LYZL6: variants seen among roughly 807,000 people sequenced by gnomAD.
LYZL6 encodes lysozyme-like protein 6.
Under a neutral mutation model 15.0 loss-of-function variants are expected in LYZL6, and 21 were observed. That is an observed-to-expected ratio of 1.40 (90% CI 1.00 to 2.02). The LOEUF (loss-of-function observed/expected upper bound fraction) is 2.02. Ranked by LOEUF, LYZL6 falls within the 30% of genes most tolerant of loss-of-function variation. The pLI is 0.00. For missense variants in LYZL6, 173 were observed against 180.5 expected, an observed-to-expected ratio of 0.96 and a Z score of 0.24; for synonymous variants, 72 against 67.8, an observed-to-expected ratio of 1.06 and a Z score of -0.31.
chr17:35,937,017 G>A (rs2089380038), intron 3 of LYZL6, among the ~76,000 whole-genome samples, 184 bp from the exon 4 acceptor site: 1 of 152,198 alleles, frequency 6.6e-6, no homozygotes, highest in Non-Finnish European at 1.5e-5. Context: ...GGTGAAAGGG[G>A]GTGTGGGCAG....
chr17:35,939,593 T>C, intron 1 of LYZL6, 35 bp from the exon 2 acceptor site: 1 of 350,684 alleles, frequency 2.9e-6, no homozygotes, highest in Non-Finnish European at 5.1e-6. Context: ...ATCATGAACC[T>C]CCATATACCC....
intron 4 of LYZL6, 94 bp from the exon 5 acceptor site, chr17:35,934,959 G>A: frequency 1.7e-6 from 2 of 1,165,526 alleles, no homozygotes; most frequent in East Asian, 2.4e-5. Context: ...ATGGAGCAAC[G>A]CCCAGAATCC....
rs2089408087 is a variant in LYZL6, at chr17:35,939,459, C to T, written c.-103G>A. 2.4e-6 allele frequency: 3 copies of T among 1,235,718 alleles called. No individual in the cohort carries two copies. In the Admixed American group the frequency reaches 6.2e-5, roughly 26 times the overall value. 76.5% of individuals were successfully genotyped at this position (1,235,718 alleles called of 1,614,324 possible). A position where few individuals can be genotyped will look rare whatever the true frequency, so the allele number is the denominator to read the frequency against. The stretch of plus-strand genomic sequence containing the variant: ...GCCTGGGGAATCTGGAGAGGGCAGC[C>T]AGGTTTCCTTACTCACTCACTGCTC... On this transcript the variant is annotated 5_prime_UTR_variant, in exon 2 of 5. Transcript: ENST00000615905.
chr17:35,938,342 G>A (rs747059468), intron 2 of LYZL6, among the ~76,000 whole-genome samples: 6 of 152,060 alleles, frequency 3.9e-5, no homozygotes, highest in Non-Finnish European at 7.4e-5. Flanking sequence ...TATGTATGCC[G>A]GGCGCGGTGG....
At chr17:35,943,321 T>G (rs935220952) in intron 1 of LYZL6, among the ~76,000 whole-genome samples, 1 of 152,178 alleles carries the variant, frequency 6.6e-6, no homozygotes, top group Non-Finnish European at 1.5e-5. Flanking sequence ...ATTCTTTTGC[T>G]TCTCCCATCA....
At chr17:35,942,398 AG>A (rs1310560647) in intron 1 of LYZL6, among the ~76,000 whole-genome samples, 1 of 152,176 alleles carries the variant, frequency 6.6e-6, no homozygotes, top group Non-Finnish European at 1.5e-5. Context: ...TATGCTGCTG[AG>A]GGGGCAGAAG....
chr17:35,935,498 C>A (rs1187050684), intron 4 of LYZL6, among the ~76,000 whole-genome samples: 1 of 151,934 alleles, frequency 6.6e-6, no homozygotes, highest in Non-Finnish European at 1.5e-5. Flanking sequence ...TCACTGCAAC[C>A]TCTGGCTCCC....
rs769949728 is a variant in LYZL6, at chr17:35,937,743, G to A, written c.298+15C>T. On this transcript the variant is annotated intron_variant, in intron 3 of 4. Transcript: ENST00000615905. ...TGCTGCTCTCATCTCTCCCACCCTG[G>A]GGCCCTGGCCAGACCTTGACAGTCT... 1.8e-5 allele frequency: 29 copies of A among 1,611,358 alleles called. No individual in the cohort carries two copies. The highest frequency in any genetic ancestry group is 2.2e-5 in the Non-Finnish European group (26 of 1,178,120).
chr17:35,941,414 T>C (rs1468213985), intron 1 of LYZL6, among the ~76,000 whole-genome samples: 2 of 152,208 alleles, frequency 1.3e-5, no homozygotes, highest in Non-Finnish European at 2.9e-5. Context: ...ATATGGCAGA[T>C]ATTTTTTTCC....
chr17:35,935,426 C>CT (rs1187591781), intron 4 of LYZL6, among the ~76,000 whole-genome samples: 2 of 151,404 alleles, frequency 1.3e-5, no homozygotes, highest in South Asian at 2.1e-4. Context: ...TTTTTTGTTT[C>CT]TTTTTTTGAG....
In LYZL6 at chr17:35,937,744, G is replaced by T. The variant is rs1383680733; in HGVS notation, c.298+14C>A. 3.1e-6 allele frequency: 5 copies of T among 1,611,822 alleles called. No homozygotes were observed. Among genetic ancestry groups the T allele is most frequent in the Non-Finnish European group, 4.2e-6 (5 of 1,178,372 alleles). On this transcript the variant is annotated intron_variant, in intron 3 of 4. Transcript: ENST00000615905. The stretch of plus-strand genomic sequence containing the variant: ...GCTGCTCTCATCTCTCCCACCCTGG[G>T]GCCCTGGCCAGACCTTGACAGTCTA...
Position 35,934,620 on chromosome 17 carries a change from T to G in LYZL6, c.*176A>C. On this transcript the variant is annotated 3_prime_UTR_variant, in exon 5 of 5. Transcript: ENST00000615905. ...CAGGAACCAGGGGACTGGGTCCAGATGGGAGTAAGGAGGAAGCCAAGAAAA... is the reference window on the plus strand; with the variant it reads ...CAGGAACCAGGGGACTGGGTCCAGAGGGGAGTAAGGAGGAAGCCAAGAAAA... 1 of 584,308 alleles carries G rather than the reference T, an allele frequency of 1.7e-6. No homozygotes were observed. Among genetic ancestry groups the G allele is most frequent in the South Asian group, 2.3e-5 (1 of 43,882 alleles). 36.2% of individuals were successfully genotyped at this position (584,308 alleles called of 1,614,324 possible). A position where few individuals can be genotyped will look rare whatever the true frequency, so the allele number is the denominator to read the frequency against.
chr17:35,937,242 G>C (rs929019598), intron 3 of LYZL6, among the ~76,000 whole-genome samples: 8 of 152,178 alleles, frequency 5.3e-5, no homozygotes, highest in African/African-American at 1.7e-4. Flanking sequence ...CAGAGTCATG[G>C]GCCCTGTCGA....
Position 35,934,717 on chromosome 17 carries a change from C to T in LYZL6, c.*79G>A. ...GGAAGAAAATAACATGAAGTGGAGG[C>T]AGTAGGAAGAAGAAATGAAGAATCC... On this transcript the variant is annotated 3_prime_UTR_variant, in exon 5 of 5. Transcript: ENST00000615905. 7.9e-7 allele frequency: 1 copy of T among 1,272,264 alleles called. No individual in the cohort carries two copies. The highest frequency in any genetic ancestry group is 1.1e-6 in the Non-Finnish European group (1 of 877,696). The allele number at this position is 1,272,264 out of a possible 1,614,324, so 78.8% of individuals were successfully genotyped here. A position where few individuals can be genotyped will look rare whatever the true frequency, so the allele number is the denominator to read the frequency against.
chr17:35,940,806 T>TG (rs1239495361), intron 1 of LYZL6, among the ~76,000 whole-genome samples: 9 of 152,214 alleles, frequency 5.9e-5, no homozygotes, highest in Non-Finnish European at 1.2e-4. Flanking sequence ...CTTAGCATAA[T>TG]GTTTTGAAGT....
chr17:35,940,103 T>TGC (rs1027221086), intron 1 of LYZL6, among the ~76,000 whole-genome samples: 6 of 152,084 alleles, frequency 3.9e-5, no homozygotes, highest in African/African-American at 1.4e-4. Context: ...TATGTGTGTG[T>TGC]GCGCGTGTGT....
chr17:35,934,971 C>G (rs1412109361), intron 4 of LYZL6, 106 bp from the exon 5 acceptor site: 1 of 1,003,250 alleles, frequency 1.0e-6, no homozygotes, highest in Non-Finnish European at 1.5e-6. Flanking sequence ...CCAGAATCCC[C>G]GTCATTGCTA....
rs774074146 is a variant in LYZL6, at chr17:35,939,232, T to C, written c.125A>G (p.Tyr42Cys). The C allele has an allele frequency of 1.2e-5, 20 of 1,613,142 alleles. 1 individual carries two copies. Among genetic ancestry groups the C allele is most frequent in the Non-Finnish European group, 1.6e-5 (19 of 1,179,564 alleles). ...ATGGTACTCACAGTCACTCAGGGAGTAACCCTCAAACCCATCCAAGTCCTC... is the reference window on the plus strand; with the variant it reads ...ATGGTACTCACAGTCACTCAGGGAGCAACCCTCAAACCCATCCAAGTCCTC... ...QLEDLDGFEG[Y>C]SLSDWLCLAF... is the part of the protein sequence containing the mutation. The change falls in exon 2 of 5, where the codon TAC becomes TGC. Residue 42 changes from tyrosine to cysteine, a missense_variant. By Grantham distance (194) the Tyr-to-Cys change is radical. Coordinates refer to ENST00000615905, the MANE Select transcript of LYZL6 (RefSeq NM_020426.4).
At chr17:35,941,213 C>T (rs1251470786) in intron 1 of LYZL6, among the ~76,000 whole-genome samples, 1 of 152,186 alleles carries the variant, frequency 6.6e-6, no homozygotes, top group Non-Finnish European at 1.5e-5. Flanking sequence ...ACTGGTATCA[C>T]CCTGTTGTTT....
Sources: allele counts gnomAD v4.1 joint callset (sites outside exome capture counted in the v4.1 genomes callset), GRCh38; gene constraint gnomAD v4.1.1; transcripts MANE v1.5; gene names NCBI Gene and HGNC (gene_info 2026-07-23, HGNC 2026-07-21).